Variants in ELAPOR1 observed in about 807,000 individuals in gnomAD.
ELAPOR1 encodes the protein endosome/lysosome-associated apoptosis and autophagy regulator 1.
In ELAPOR1, 77 loss-of-function variants were observed where a neutral mutation model predicts 119.7. The observed-to-expected ratio is 0.64, with a 90% CI of 0.54 to 0.78. The LOEUF is 0.78. ELAPOR1 is among the 30% of genes least tolerant of loss of function. The probability of loss-of-function intolerance (pLI) is 0.00; values close to 1 mark genes in which losing one functional copy is unlikely to be tolerated. For missense variants in ELAPOR1, 1,115 were observed against 1,270.4 expected, an observed-to-expected ratio of 0.88 and a Z score of 1.86; for synonymous variants, 481 against 487.2, an observed-to-expected ratio of 0.99 and a Z score of 0.17.
At chr1:109,172,444 C>T (rs1651980949) in intron 4 of ELAPOR1, 44 bp from the exon 5 acceptor site, 3 of 1,441,228 alleles carry the variant, frequency 2.1e-6, no homozygotes, top group East Asian at 2.3e-5. Context: ...GTATCCATTT[C>T]CTTAGAAAGC....
chr1:109,119,465 T>A lies in ELAPOR1; in HGVS notation c.153+5129T>A, dbSNP rs1350556187. Reference sequence around the variant, plus strand: ...TCCCAAATTGCTGGAATTACAGGTGTGAGCCACCGCACTCAGCCTGCTTTT... The same window carrying A: ...TCCCAAATTGCTGGAATTACAGGTGAGAGCCACCGCACTCAGCCTGCTTTT... On this transcript the variant is annotated intron_variant, in intron 1 of 21. Coordinates refer to ENST00000369939, the MANE Select transcript of ELAPOR1 (RefSeq NM_020775.5). Among the ~76,000 whole-genome samples the A allele has an allele frequency of 2.0e-5, 3 of 150,892 alleles. No homozygotes were observed. In the East Asian group the frequency reaches 5.8e-4, roughly 29 times the overall value.
In ELAPOR1 at chr1:109,206,678, T is replaced by C. The variant is rs1654512759; in HGVS notation, c.*3666T>C. 1 of 152,194 alleles carries C rather than the reference T, an allele frequency of 6.6e-6. No individual in the cohort carries two copies. The highest frequency in any genetic ancestry group is 2.1e-4 in the South Asian group (1 of 4,828). 9.4% of individuals were successfully genotyped at this position (152,194 alleles called of 1,614,324 possible). A position where few individuals can be genotyped will look rare whatever the true frequency, so the allele number is the denominator to read the frequency against. The stretch of plus-strand genomic sequence containing the variant: ...TCGAATTTTTTTTCATCAGGGCTGG[T>C]TGGATTTCCTTTTTACCCTGTAATC... On this transcript the variant is annotated 3_prime_UTR_variant, in exon 22 of 22. Transcript: ENST00000369939.
At position 109,186,427 on chromosome 1, in the gene ELAPOR1, A is replaced by T. The variant is rs1653048945; in HGVS notation, c.1041+1294A>T. ...TGCTTGGCTCTTAGGGAGCATAAAC[A>T]TTTGCTGGCTGGGCGGCTGACTGAA... is the stretch of plus-strand genomic sequence containing the variant. On this transcript the variant is annotated intron_variant, in intron 8 of 21. Transcript: ENST00000369939. 4 of 906,474 alleles carry T rather than the reference A, an allele frequency of 4.4e-6. No homozygotes were observed. The South Asian group carries it at 2.0e-4, about 46-fold the overall frequency. The allele number at this position is 906,474 out of a possible 1,614,324, so 56.2% of individuals were successfully genotyped here. A position where few individuals can be genotyped will look rare whatever the true frequency, so the allele number is the denominator to read the frequency against.
In ELAPOR1 at chr1:109,161,742, C is replaced by T. The variant is rs1032663828; in HGVS notation, c.154-152C>T. 23 of 778,340 alleles carry T rather than the reference C, an allele frequency of 3.0e-5. 1 individual carries two copies. The highest frequency in any genetic ancestry group is 2.8e-4 in the Middle Eastern group (1 of 3,512). The allele number at this position is 778,340 out of a possible 1,614,324, so 48.2% of individuals were successfully genotyped here. A position where few individuals can be genotyped will look rare whatever the true frequency, so the allele number is the denominator to read the frequency against. ...TCCAAATCATTGTAGTTCTTGTACT[C>T]GGTTCATAATCATCAGCTCCCTGCC... On this transcript the variant is annotated intron_variant, in intron 1 of 21. Transcript: ENST00000369939.
At chr1:109,150,467 C>A (rs994970854) in intron 1 of ELAPOR1, among the ~76,000 whole-genome samples, 1 of 152,138 alleles carries the variant, frequency 6.6e-6, no homozygotes, top group African/African-American at 2.4e-5. Context: ...TTTGCTTCTT[C>A]GACTGCTGCT....
intron 3 of ELAPOR1, among the ~76,000 whole-genome samples, chr1:109,166,325 T>C (rs1187307317): frequency 6.6e-6 from 1 of 152,210 alleles, no homozygotes; most frequent in African/African-American, 2.4e-5. Context: ...AGTGCTGGGA[T>C]TACAGGCATG....
chr1:109,125,554 G>A (rs1301662067), intron 1 of ELAPOR1, among the ~76,000 whole-genome samples: 2 of 151,502 alleles, frequency 1.3e-5, no homozygotes, highest in African/African-American at 4.9e-5. Context: ...CACCAGGCCC[G>A]GTTGTATTTT....
chr1:109,168,925 G>A (rs146927162), intron 3 of ELAPOR1, among the ~76,000 whole-genome samples: 15 of 152,218 alleles, frequency 9.9e-5, no homozygotes, highest in African/African-American at 3.4e-4. Flanking sequence ...TGTCTTCACC[G>A]GGGGCAATTC....
rs1465453790 is a variant in ELAPOR1, at chr1:109,205,839, G to A, written c.*2827G>A. Reference sequence around the variant, plus strand: ...GACCTGTCAGGAACTCCTGAGTTACGCTACTGGGGTCACCTGTTGCTCCCC... The same window carrying A: ...GACCTGTCAGGAACTCCTGAGTTACACTACTGGGGTCACCTGTTGCTCCCC... On this transcript the variant is annotated 3_prime_UTR_variant, in exon 22 of 22. Transcript: ENST00000369939. 6.6e-6 allele frequency: 1 copy of A among 152,102 alleles called. No homozygotes were observed. The highest frequency in any genetic ancestry group is 1.5e-5 in the Non-Finnish European group (1 of 68,030). 9.4% of individuals were successfully genotyped at this position (152,102 alleles called of 1,614,324 possible).
chr1:109,174,567 G>T (rs1025629249), intron 7 of ELAPOR1, among the ~76,000 whole-genome samples: 1 of 151,378 alleles, frequency 6.6e-6, no homozygotes, highest in Non-Finnish European at 1.5e-5. Context: ...TTCGGGGGTG[G>T]GGGGAAGAGA....
intron 1 of ELAPOR1, among the ~76,000 whole-genome samples, chr1:109,153,775 A>C (rs1650686048): frequency 6.6e-6 from 1 of 151,850 alleles, no homozygotes; most frequent in Non-Finnish European, 1.5e-5. Flanking sequence ...GGTGCCTGCC[A>C]CCATGCCAGG....
chr1:109,154,997 A>T (rs1164307849), intron 1 of ELAPOR1, among the ~76,000 whole-genome samples: 1 of 151,926 alleles, frequency 6.6e-6, no homozygotes, highest in Non-Finnish European at 1.5e-5. Flanking sequence ...CCTCTTTGGG[A>T]TGTGTGTTTA....
At chr1:109,124,504 T>A (rs1648652866) in intron 1 of ELAPOR1, among the ~76,000 whole-genome samples, 1 of 152,238 alleles carries the variant, frequency 6.6e-6, no homozygotes, top group Admixed American at 6.5e-5. Flanking sequence ...TGAAGAATAC[T>A]GAAGTGAACA....
chr1:109,193,144 T>A (rs1653558232), intron 14 of ELAPOR1, among the ~76,000 whole-genome samples: 1 of 152,060 alleles, frequency 6.6e-6, no homozygotes, highest in Admixed American at 6.6e-5. Flanking sequence ...TCCAGAGGGT[T>A]ATTTGGCATC....
chr1:109,158,676 A>G (rs1651046670), intron 1 of ELAPOR1, among the ~76,000 whole-genome samples: 2 of 152,132 alleles, frequency 1.3e-5, no homozygotes, highest in Admixed American at 6.5e-5. Flanking sequence ...AGGGGGAAGG[A>G]GTTACGTGCT....
chr1:109,188,208 A>C lies in ELAPOR1; in HGVS notation c.1073A>C (p.Lys358Thr). 1 of 1,612,366 alleles carries C rather than the reference A, an allele frequency of 6.2e-7. No homozygotes were observed. Among genetic ancestry groups the C allele is most frequent in the Non-Finnish European group, 8.5e-7 (1 of 1,178,518 alleles). ...CTCATGTACAAATGGGCCAAGCCGAAAATCTGTAGCGAGGACCTTGAGGGG... is the reference window on the plus strand; with the variant it reads ...CTCATGTACAAATGGGCCAAGCCGACAATCTGTAGCGAGGACCTTGAGGGG... ...TQLMYKWAKP[K>T]ICSEDLEGAV... The change falls in exon 9 of 22, where the codon AAA becomes ACA. Residue 358 changes from lysine to threonine, a missense_variant. Coordinates refer to ENST00000369939, the MANE Select transcript of ELAPOR1 (RefSeq NM_020775.5).
In ELAPOR1 at chr1:109,144,063, T is replaced by TATATATATATATATATA. The variant is rs1650028064; in HGVS notation, c.154-17831_154-17830insATATATATATATATATA. Among the ~76,000 whole-genome samples the TATATATATATATATATA allele has an allele frequency of 7.4e-5, 6 of 81,192 alleles. 1 individual carries two copies. The highest frequency in any genetic ancestry group is 3.2e-4 in the African/African-American group (6 of 18,562). The allele number at this position is 81,192 out of a possible 152,430, so 53.3% of individuals were successfully genotyped here. A position where few individuals can be genotyped will look rare whatever the true frequency, so the allele number is the denominator to read the frequency against. On this transcript the variant is annotated intron_variant, in intron 1 of 21. Coordinates refer to ENST00000369939, the MANE Select transcript of ELAPOR1 (RefSeq NM_020775.5). ...TATATATATATATATATTTATATAT[T>TATATATATATATATATA]TTTTTTTTTTTTTGAGATGGAGTTT...
chr1:109,142,925 A>C (rs1361280216), intron 1 of ELAPOR1, among the ~76,000 whole-genome samples: 1 of 152,238 alleles, frequency 6.6e-6, no homozygotes, highest in Non-Finnish European at 1.5e-5. Context: ...ATGAATGGAT[A>C]AAATAAAATG....
chr1:109,143,080 A>T (rs1381083381), intron 1 of ELAPOR1, among the ~76,000 whole-genome samples: 1 of 152,020 alleles, frequency 6.6e-6, no homozygotes, highest in Non-Finnish European at 1.5e-5. Flanking sequence ...CTCCTGAGTA[A>T]CTGGGATTAC....
Sources: allele counts gnomAD v4.1 joint callset (sites outside exome capture counted in the v4.1 genomes callset), GRCh38; gene constraint gnomAD v4.1.1; transcripts MANE v1.5; gene names NCBI Gene and HGNC (gene_info 2026-07-23, HGNC 2026-07-21).